Variants in CNTN3 observed in about 807,000 individuals in gnomAD.
CNTN3 encodes contactin 3, also known as contactin-3.
A neutral mutation model predicts 119.1 loss-of-function variants in CNTN3; 60 were observed. That is an observed-to-expected ratio of 0.50 (90% CI 0.41 to 0.62). The LOEUF (loss-of-function observed/expected upper bound fraction) is 0.62. CNTN3 is among the 20% of genes least tolerant of loss of function. The probability of loss-of-function intolerance (pLI) is 0.00; values close to 1 mark genes in which losing one functional copy is unlikely to be tolerated. For missense variants in CNTN3, 1,101 were observed against 1,242.4 expected, an observed-to-expected ratio of 0.89 and a Z score of 1.71; for synonymous variants, 450 against 438.7, an observed-to-expected ratio of 1.03 and a Z score of -0.32.
intron 4 of CNTN3, among the ~76,000 whole-genome samples, chr3:74,461,391 T>C (rs1314416811): frequency 6.6e-6 from 1 of 152,088 alleles, no homozygotes; most frequent in Non-Finnish European, 1.5e-5. Flanking sequence ...ATTGCATCTC[T>C]GTAATGTCTT....
chr3:74,313,053 A>G (rs898293555), intron 13 of CNTN3, among the ~76,000 whole-genome samples: 1 of 152,098 alleles, frequency 6.6e-6, no homozygotes, highest in Non-Finnish European at 1.5e-5. Flanking sequence ...AACGACTTGG[A>G]TTGGCTTATT....
At chr3:74,535,814 G>T (rs1002569659) in intron 1 of CNTN3, among the ~76,000 whole-genome samples, 1 of 151,926 alleles carries the variant, frequency 6.6e-6, no homozygotes, top group Non-Finnish European at 1.5e-5. Context: ...TTTTGAAGTC[G>T]AAAATCACAA....
At chr3:74,278,505 G>T (rs1283472183) in intron 20 of CNTN3, among the ~76,000 whole-genome samples, 1 of 152,058 alleles carries the variant, frequency 6.6e-6, no homozygotes, top group Non-Finnish European at 1.5e-5. Flanking sequence ...CATAAAGTGG[G>T]GAAAGGACCC....
intron 1 of CNTN3, among the ~76,000 whole-genome samples, chr3:74,552,983 A>G (rs1056181399): frequency 1.3e-5 from 2 of 152,118 alleles, no homozygotes; most frequent in African/African-American, 2.4e-5. Context: ...CATGTGCAGA[A>G]CGTGCAGTTT....
intron 5 of CNTN3, among the ~76,000 whole-genome samples, chr3:74,381,387 T>C (rs1302691785): frequency 6.6e-6 from 1 of 151,984 alleles, no homozygotes; most frequent in African/African-American, 2.4e-5. Flanking sequence ...AAAATAAACA[T>C]GACAAAAAAA....
chr3:74,353,295 G>A (rs752917274), intron 11 of CNTN3, among the ~76,000 whole-genome samples: 3 of 152,150 alleles, frequency 2.0e-5, no homozygotes, highest in Non-Finnish European at 4.4e-5. Context: ...AATCATCCTG[G>A]TTATTTGCAA....
In CNTN3 at chr3:74,353,916, A is replaced by C. The variant is rs111855312; in HGVS notation, c.1364+7974T>G. On this transcript the variant is annotated intron_variant, in intron 11 of 22. Coordinates refer to ENST00000263665, the MANE Select transcript of CNTN3 (RefSeq NM_020872.3). ...TGGGCTACAGCAGGTCCCTCACCCC[A>C]AAAATCCTTCTGTGTCCCTGACAGT... 4.6e-4 allele frequency among the ~76,000 whole-genome samples: 70 copies of C among 152,144 alleles called. 1 individual carries two copies. Among genetic ancestry groups the C allele is most frequent in the African/African-American group, 1.6e-3 (66 of 41,446 alleles).
rs575832875 is a variant in CNTN3, at chr3:74,417,475, C to T, written c.454+7370G>A. Among the ~76,000 whole-genome samples, 3 of 152,090 alleles carry T rather than the reference C, an allele frequency of 2.0e-5. No individual in the cohort carries two copies. The South Asian group carries it at 6.2e-4, about 32-fold the overall frequency. On this transcript the variant is annotated intron_variant, in intron 5 of 22. Coordinates refer to ENST00000263665, the MANE Select transcript of CNTN3 (RefSeq NM_020872.3). ...ATTATAAGACATATCACATCTTCCACAAATAAATAGCTGTTTGATGGATAC... is the reference window on the plus strand; with the variant it reads ...ATTATAAGACATATCACATCTTCCATAAATAAATAGCTGTTTGATGGATAC...
chr3:74,576,798 G>A (rs576787713), intron 1 of CNTN3, among the ~76,000 whole-genome samples: 5 of 151,812 alleles, frequency 3.3e-5, no homozygotes, highest in African/African-American at 9.7e-5. Flanking sequence ...TTTTACTAGT[G>A]CATGTTTTTC....
intron 19 of CNTN3, among the ~76,000 whole-genome samples, chr3:74,294,326 C>G (rs1343176925): frequency 6.6e-6 from 1 of 152,196 alleles, no homozygotes; most frequent in Non-Finnish European, 1.5e-5. Flanking sequence ...ATAGGGGACC[C>G]AGTTCAAATG....
chr3:74,366,778 G>GTATATATATATATATATATATATATA (rs1485995990), intron 8 of CNTN3, among the ~76,000 whole-genome samples: 44 of 40,868 alleles, frequency 1.1e-3, no homozygotes, highest in Non-Finnish European at 1.5e-3. Context: ...GTGTGTGTGT[G>GTATATATATATATATATATATATATA]TGTATATATA....
At chr3:74,610,806 G>C (rs1162508703) in intron 1 of CNTN3, among the ~76,000 whole-genome samples, 6 of 152,192 alleles carry the variant, frequency 3.9e-5, no homozygotes, top group South Asian at 4.1e-4. Flanking sequence ...GGGCGAATGT[G>C]AGAGATATTT....
intron 1 of CNTN3, among the ~76,000 whole-genome samples, chr3:74,528,770 C>T (rs6767471): frequency 0.89 from 135,015 of 151,906 alleles, 60,662 homozygotes; most frequent in East Asian, 1. Context: ...TTAATATAAC[C>T]GGCAATTGAA....
rs555831484 is a variant in CNTN3, at chr3:74,325,197, C to T, written c.1668+9538G>A. ...TGTTTTATAACTTTTGAATGTTACT[C>T]TATGCTAGATTTTCTTTTAAATTAA... On this transcript the variant is annotated intron_variant, in intron 13 of 22. Coordinates refer to ENST00000263665, the MANE Select transcript of CNTN3 (RefSeq NM_020872.3). Among the ~76,000 whole-genome samples, 7 of 151,884 alleles carry T rather than the reference C, an allele frequency of 4.6e-5. No individual in the cohort carries two copies. The East Asian group carries it at 7.7e-4, about 17-fold the overall frequency.
chr3:74,392,804 A>AT (rs919500867), intron 5 of CNTN3, among the ~76,000 whole-genome samples: 56 of 149,964 alleles, frequency 3.7e-4, no homozygotes, highest in African/African-American at 1.1e-3. Context: ...GACAGAGCTT[A>AT]TTTTTTTTTT....
At chr3:74,361,197 G>A (rs1255746750) in intron 11 of CNTN3, among the ~76,000 whole-genome samples, 1 of 152,042 alleles carries the variant, frequency 6.6e-6, no homozygotes, top group Non-Finnish European at 1.5e-5. Flanking sequence ...TTACTTTCTG[G>A]CAGGTGTTTA....
At chr3:74,357,019 T>G (rs583579) in intron 11 of CNTN3, among the ~76,000 whole-genome samples, 22,897 of 149,798 alleles carry the variant, frequency 0.15, 2,234 homozygotes, top group African/African-American at 0.26. Context: ...CGCCTCTCAG[T>G]TTCACGCCAT....
chr3:74,300,015 T>C (rs1267729400), intron 16 of CNTN3, 77 bp from the exon 17 acceptor site: 5 of 893,102 alleles, frequency 5.6e-6, no homozygotes. Context: ...TGCAATGTTT[T>C]TTTAATATTT....
At chr3:74,275,573 A>G (rs1701862698) in intron 20 of CNTN3, among the ~76,000 whole-genome samples, 1 of 152,150 alleles carries the variant, frequency 6.6e-6, no homozygotes, top group Non-Finnish European at 1.5e-5. Flanking sequence ...AGAAAGATAC[A>G]GTCTTTTTTC....
Sources: gnomAD v4.1 joint callset for allele counts (sites outside exome capture counted in the v4.1 genomes callset) on GRCh38, gnomAD v4.1.1 for gene constraint, MANE v1.5 for transcripts, NCBI Gene and HGNC (gene_info 2026-07-23, HGNC 2026-07-21) for gene names.